The following CALN1 variants were observed in gnomAD, a reference collection of about 807,000 sequenced individuals.
CALN1 encodes the protein calcium-binding protein 8.
Under a neutral mutation model 30.6 loss-of-function variants are expected in CALN1, and 17 were observed. The ratio of observed to expected loss-of-function variants is 0.56; its 90% CI spans 0.38 to 0.83. CALN1 has a LOEUF of 0.83. Ranked by LOEUF, CALN1 falls within the 40% of genes least tolerant of loss-of-function variation. The pLI is 0.00. For synonymous variants in CALN1, 156 were observed against 131.4 expected, an observed-to-expected ratio of 1.19 and a Z score of -1.28; for missense variants, 291 against 354.9, an observed-to-expected ratio of 0.82 and a Z score of 1.45.
intron 2 of CALN1, among the ~76,000 whole-genome samples, chr7:72,287,338 A>G (rs1798148319): frequency 6.6e-6 from 1 of 151,954 alleles, no homozygotes; most frequent in African/African-American, 2.4e-5. Flanking sequence ...ATTTACATAA[A>G]TGATATTACA....
At chr7:72,409,090 G>A (rs1157364965) in intron 1 of CALN1, among the ~76,000 whole-genome samples, 1 of 151,866 alleles carries the variant, frequency 6.6e-6, no homozygotes, top group Admixed American at 6.6e-5. Context: ...CCGCCTCCCG[G>A]ATTCAAGAGA....
intron 3 of CALN1, among the ~76,000 whole-genome samples, chr7:72,256,593 TTCAA>T (rs1286155540): frequency 7.5e-6 from 1 of 133,342 alleles, no homozygotes; most frequent in East Asian, 2.6e-4. Context: ...TCCAGTTTTG[TTCAA>T]TCAATTATTT....
At chr7:72,486,471 A>G in the CALN1 span, among the ~76,000 whole-genome samples, 4 of 152,004 alleles carry the variant, frequency 2.6e-5, no homozygotes, top group Non-Finnish European at 5.9e-5. Context: ...TTCTGGGTTC[A>G]AGTGATTATC....
intron 3 of CALN1, among the ~76,000 whole-genome samples, chr7:72,218,355 G>C (rs1793007144): frequency 6.6e-6 from 1 of 152,028 alleles, no homozygotes; most frequent in South Asian, 2.1e-4. Context: ...AGCTAAGGCA[G>C]GAGAATCACT....
At chr7:72,346,322 T>TC (rs1477233766) in intron 2 of CALN1, among the ~76,000 whole-genome samples, 1 of 152,198 alleles carries the variant, frequency 6.6e-6, no homozygotes, top group African/African-American at 2.4e-5. Context: ...GTCAGTTACC[T>TC]CTTTGGATAA....
intron 4 of CALN1, among the ~76,000 whole-genome samples, chr7:72,084,803 G>A (rs184372044): frequency 6.6e-5 from 10 of 152,196 alleles, no homozygotes; most frequent in East Asian, 1.9e-4. Context: ...CACTTTCTGC[G>A]GCTTCAGTTA....
chr7:72,472,844 G>C, the CALN1 span, among the ~76,000 whole-genome samples: 2 of 152,150 alleles, frequency 1.3e-5, no homozygotes, highest in African/African-American at 4.8e-5. Context: ...CTCCCACAAG[G>C]GACAGAGCCT....
rs1480824273 is a variant in CALN1, at chr7:71,810,241, C to T, written c.658+95G>A. 3 of 1,382,842 alleles carry T rather than the reference C, an allele frequency of 2.2e-6. No homozygotes were observed. In the Admixed American group the frequency reaches 6.3e-5, roughly 29 times the overall value. The allele number at this position is 1,382,842 out of a possible 1,614,324, so 85.7% of individuals were successfully genotyped here. ...TGGCTTCAGTACAAGGGAACATCAG[C>T]CCAAGAGCCTGTGTGTGAACGCATT... On this transcript the variant is annotated intron_variant, in intron 6 of 6. Coordinates refer to ENST00000395275, the MANE Select transcript of CALN1 (RefSeq NM_031468.4).
the CALN1 span, among the ~76,000 whole-genome samples, chr7:72,468,634 AC>A: frequency 2.0e-5 from 3 of 152,196 alleles, no homozygotes; most frequent in African/African-American, 7.2e-5. Context: ...TTCGTGAGGC[AC>A]AACCAACTGT....
At chr7:72,138,541 A>G (rs888123207) in intron 3 of CALN1, among the ~76,000 whole-genome samples, 6 of 93,532 alleles carry the variant, frequency 6.4e-5, no homozygotes, top group Admixed American at 1.2e-4. Flanking sequence ...TTCAGCTGTG[A>G]GGAGCAAAGG....
At chr7:72,458,132 A>ATATATATATATTTAATATATT in the CALN1 span, among the ~76,000 whole-genome samples, 35,312 of 116,078 alleles carry the variant, frequency 0.3, 7,233 homozygotes, top group South Asian at 0.41. Flanking sequence ...GGTTTTATAA[A>ATATATATATATTTAATATATT]TATATATATA....
intron 2 of CALN1, among the ~76,000 whole-genome samples, chr7:72,385,841 G>GT (rs1250151587): frequency 1.3e-5 from 2 of 152,174 alleles, no homozygotes; most frequent in Admixed American, 6.5e-5. Flanking sequence ...CACCATGACT[G>GT]TAACTTTCCT....
intron 2 of CALN1, among the ~76,000 whole-genome samples, chr7:72,316,038 C>T (rs191756117): frequency 2.6e-4 from 39 of 152,072 alleles, no homozygotes; most frequent in Admixed American, 6.6e-4. Context: ...GTAATTCCAG[C>T]TCCTCAGGAA....
chr7:72,384,733 G>C (rs140744345), intron 2 of CALN1, among the ~76,000 whole-genome samples: 165 of 152,140 alleles, frequency 1.1e-3, no homozygotes, highest in African/African-American at 3.9e-3. Context: ...ACAGGAGAAA[G>C]TAGAGGTGAC....
rs1326176732 is a variant in CALN1 at position 71,781,840 on chromosome 7, G to A, written c.*5935C>T. 6.6e-6 allele frequency: 1 copy of A among 152,260 alleles called. No individual in the cohort carries two copies. The highest frequency in any genetic ancestry group is 1.5e-5 in the Non-Finnish European group (1 of 68,046). The allele number at this position is 152,260 out of a possible 1,614,324, so 9.4% of individuals were successfully genotyped here. A position where few individuals can be genotyped will look rare whatever the true frequency, so the allele number is the denominator to read the frequency against. ...TACCCCAAGGTCAGGGTAGGGGCAGGTGGCCGGGCAAGCTTTTCCACTTTC... is the reference window on the plus strand; with the variant it reads ...TACCCCAAGGTCAGGGTAGGGGCAGATGGCCGGGCAAGCTTTTCCACTTTC... On this transcript the variant is annotated 3_prime_UTR_variant, in exon 7 of 7. Coordinates refer to ENST00000395275, the MANE Select transcript of CALN1 (RefSeq NM_031468.4).
At chr7:72,115,094 CTA>C (rs1361084040) in intron 3 of CALN1, among the ~76,000 whole-genome samples, 1 of 146,390 alleles carries the variant, frequency 6.8e-6, no homozygotes, top group Non-Finnish European at 1.5e-5. Flanking sequence ...GGACATTATA[CTA>C]TATATATAGT....
chr7:72,381,412 A>G (rs534389550), intron 2 of CALN1, among the ~76,000 whole-genome samples: 2 of 152,342 alleles, frequency 1.3e-5, no homozygotes, highest in Admixed American at 6.5e-5. Context: ...CACTATTTAC[A>G]TTAGCAAAGA....
intron 3 of CALN1, among the ~76,000 whole-genome samples, chr7:72,216,630 C>G (rs1240991874): frequency 4.6e-5 from 7 of 152,060 alleles, no homozygotes; most frequent in African/African-American, 1.7e-4. Context: ...CTTCTCACTC[C>G]TGAGTTCTAG....
chr7:72,241,357 AAAGTC>A, intron 3 of CALN1, among the ~76,000 whole-genome samples: 1 of 152,150 alleles, frequency 6.6e-6, no homozygotes, highest in Middle Eastern at 3.4e-3. Flanking sequence ...ATAATTTTTA[AAAGTC>A]AAGAATGGTA....
Sources: gnomAD v4.1 joint callset for allele counts (sites outside exome capture counted in the v4.1 genomes callset) on GRCh38, gnomAD v4.1.1 for gene constraint, MANE v1.5 for transcripts, NCBI Gene and HGNC (gene_info 2026-07-23, HGNC 2026-07-21) for gene names.